The following RAD21L1 variants were observed in gnomAD, a reference collection of about 807,000 sequenced individuals.
RAD21L1 encodes RAD21 cohesin complex component like 1.
Under a neutral mutation model 69.0 loss-of-function variants are expected in RAD21L1, and 47 were observed. The ratio of observed to expected loss-of-function variants is 0.68; its 90% CI spans 0.54 to 0.87. The LOEUF is 0.87. Ranked by LOEUF, RAD21L1 falls within the 40% of genes least tolerant of loss-of-function variation. The pLI is 0.00. For synonymous variants in RAD21L1, 177 were observed against 205.8 expected, an observed-to-expected ratio of 0.86 and a Z score of 1.20; for missense variants, 583 against 647.6, an observed-to-expected ratio of 0.90 and a Z score of 1.08.
At chr20:1,228,201 C>T (rs1211801932) in intron 1 of RAD21L1, among the ~76,000 whole-genome samples, 6 of 151,824 alleles carry the variant, frequency 4.0e-5, no homozygotes, top group African/African-American at 1.5e-4. Flanking sequence ...GCATTTAAGC[C>T]CGGTGTAGAG....
At chr20:1,229,794 C>A in intron 2 of RAD21L1, 86 bp from the exon 3 acceptor site, 1 of 1,028,048 alleles carries the variant, frequency 9.7e-7, no homozygotes, top group Non-Finnish European at 1.4e-6. Flanking sequence ...TTAAGAGAAC[C>A]AATTCTTACG....
intron 4 of RAD21L1, 32 bp downstream of exon 4, chr20:1,231,651 A>G: frequency 9.3e-7 from 1 of 1,081,016 alleles, no homozygotes. Flanking sequence ...CCTTCGATTT[A>G]ATTTTCTTGA....
chr20:1,237,387 C>T (rs1172550415), intron 5 of RAD21L1, among the ~76,000 whole-genome samples: 1 of 152,104 alleles, frequency 6.6e-6, no homozygotes, highest in African/African-American at 2.4e-5. Context: ...TGACTGTGTG[C>T]AAGTTACAAA....
chr20:1,233,976 CTAT>C (rs1434899582), intron 4 of RAD21L1, 106 bp from the exon 5 acceptor site: 2 of 580,414 alleles, frequency 3.4e-6, no homozygotes, highest in African/African-American at 3.8e-5. Flanking sequence ...ATAAATAATA[CTAT>C]TGAGAAAATG....
chr20:1,239,991 TTTAGCA>T (rs1250184310), intron 7 of RAD21L1, among the ~76,000 whole-genome samples: 2 of 152,244 alleles, frequency 1.3e-5, no homozygotes, highest in African/African-American at 2.4e-5. Flanking sequence ...AGAATTTTTT[TTTAGCA>T]GACATATAGT....
At chr20:1,242,543 T>A in intron 8 of RAD21L1, 76 bp from the exon 9 acceptor site, 1 of 1,153,206 alleles carries the variant, frequency 8.7e-7, no homozygotes, top group Non-Finnish European at 1.3e-6. Flanking sequence ...TAGAAATTTC[T>A]TAAGTATTTA....
chr20:1,230,043 G>T, intron 3 of RAD21L1, 34 bp downstream of exon 3: 1 of 1,496,024 alleles, frequency 6.7e-7, no homozygotes, highest in Non-Finnish European at 9.0e-7. Context: ...CTCCTTCTTG[G>T]TTCCCTTTTG....
chr20:1,252,137 A>G (rs1219419762), intron 13 of RAD21L1, among the ~76,000 whole-genome samples: 1 of 152,196 alleles, frequency 6.6e-6, no homozygotes, highest in Non-Finnish European at 1.5e-5. Context: ...CAGAGGTTGC[A>G]CTTCTGCTCC....
At chr20:1,252,903 T>G (rs1568529613) in intron 13 of RAD21L1, among the ~76,000 whole-genome samples, 1 of 152,220 alleles carries the variant, frequency 6.6e-6, no homozygotes, top group Admixed American at 6.5e-5. Context: ...CACTTTTTCT[T>G]CCTTTACCTT....
chr20:1,240,347 T>A lies in RAD21L1; in HGVS notation c.769T>A (p.Cys257Ser), dbSNP rs1172115206. Residue 257 changes from cysteine to serine, a missense_variant, in exon 8 of 14, where the codon TGT (cysteine) becomes AGT (serine). Transcript: ENST00000683101. The stretch of plus-strand genomic sequence containing the variant: ...TGAACCAGATAACTCAGAGTGTATA[T>A]GTGTACCTGAAAATGAAAAAATGAA... ...AVEPDNSECI[C>S]VPENEKMNET... 1 of 1,549,232 alleles carries A rather than the reference T, an allele frequency of 6.5e-7. No individual in the cohort carries two copies. Among genetic ancestry groups the A allele is most frequent in the Non-Finnish European group, 8.7e-7 (1 of 1,145,986 alleles).
rs1397214760 is a variant in RAD21L1, at chr20:1,228,493, T to C, written c.40T>C (p.Leu14=). 6.5e-7 allele frequency: 1 copy of C among 1,550,208 alleles called. No individual in the cohort carries two copies. The highest frequency in any genetic ancestry group is 8.7e-7 in the Non-Finnish European group (1 of 1,146,318). The stretch of plus-strand genomic sequence containing the variant: ...TGTGCTTATGAGTAAACGAGGGCCA[T>C]TGGCCAAAATATGGCTTGCAGCTCA... ...THVLMSKRGP[L]AKIWLAAHWE... The change falls in exon 2 of 14, where the codon TTG becomes CTG. Residue 14 remains leucine (L), a synonymous_variant. Transcript: ENST00000683101.
At chr20:1,229,142 A>G (rs192075991) in intron 2 of RAD21L1, among the ~76,000 whole-genome samples, 13 of 152,350 alleles carry the variant, frequency 8.5e-5, no homozygotes, top group South Asian at 2.1e-4. Flanking sequence ...CTTTATGCCT[A>G]TAAGTCTATT....
intron 5 of RAD21L1, among the ~76,000 whole-genome samples, chr20:1,235,412 T>G (rs1259279124): frequency 2.6e-5 from 4 of 152,156 alleles, no homozygotes; most frequent in South Asian, 2.1e-4. Context: ...ATTTGTCCAT[T>G]TTCAATCTGT....
chr20:1,238,267 C>T, intron 6 of RAD21L1, 53 bp downstream of exon 6: 5 of 1,189,646 alleles, frequency 4.2e-6, no homozygotes, highest in East Asian at 2.6e-5. Flanking sequence ...CAAATTACTA[C>T]AATATATTAG....
chr20:1,246,083 A>G lies in RAD21L1; in HGVS notation c.1309-130A>G. On this transcript the variant is annotated intron_variant, in intron 11 of 13. Coordinates refer to ENST00000683101, the MANE Select transcript of RAD21L1 (RefSeq NM_001384355.1). The surrounding 1 kb of genome is among the most constrained non-coding windows in gnomAD (Gnocchi z 4.6). ...GGGGTATTTCAGAGATAATATTTTG[A>G]GAATGTGGGTAGTATTTTAAATTAG... 2.2e-6 allele frequency: 1 copy of G among 462,606 alleles called. No individual in the cohort carries two copies. 28.7% of individuals were successfully genotyped at this position (462,606 alleles called of 1,614,324 possible). A position where few individuals can be genotyped will look rare whatever the true frequency, so the allele number is the denominator to read the frequency against.
At chr20:1,227,099 G>A (rs576011291) in intron 1 of RAD21L1, among the ~76,000 whole-genome samples, 1 of 152,162 alleles carries the variant, frequency 6.6e-6, no homozygotes, top group South Asian at 2.1e-4. Flanking sequence ...TAGTAGAGAC[G>A]GGGTTTCACC....
chr20:1,250,858 A>T (rs1450593887), intron 13 of RAD21L1, among the ~76,000 whole-genome samples: 16 of 151,584 alleles, frequency 1.1e-4, no homozygotes, highest in Admixed American at 1.1e-3. Flanking sequence ...CATCAGTTCC[A>T]TTTTTTTTCC....
chr20:1,247,368 CATGG>C (rs1169967857), intron 12 of RAD21L1, among the ~76,000 whole-genome samples: 1 of 152,172 alleles, frequency 6.6e-6, no homozygotes, highest in Non-Finnish European at 1.5e-5. Flanking sequence ...GCTAGAGTCT[CATGG>C]ATCTTTAACA....
At position 1,228,598 on chromosome 20, in the gene RAD21L1, G is replaced by T; in HGVS notation, c.144+1G>T. ...CATTGAAAAAATTCTTTCACCCAAG[G>T]TATGTTACTGATTAAAATGATAGCT... On this transcript the variant is annotated splice_donor_variant, in intron 2 of 13. Transcript: ENST00000683101. LOFTEE classifies it high-confidence loss of function. The T allele has an allele frequency of 6.6e-7, 1 of 1,523,814 alleles. No homozygotes were observed. The highest frequency in any genetic ancestry group is 1.2e-5 in the South Asian group (1 of 80,548). 94.4% of individuals were successfully genotyped at this position (1,523,814 alleles called of 1,614,324 possible).
Sources: gnomAD v4.1 joint callset for allele counts (sites outside exome capture counted in the v4.1 genomes callset) on GRCh38, gnomAD v4.1.1 for gene constraint, Gnocchi (gnomAD v3.1) non-coding constraint, MANE v1.5 for transcripts, NCBI Gene and HGNC (gene_info 2026-07-23, HGNC 2026-07-21) for gene names.